CXADR: variants seen among roughly 807,000 people sequenced by gnomAD.
The protein encoded by CXADR is CXADR cell adhesion molecule.
A neutral mutation model predicts 40.3 loss-of-function variants in CXADR; 20 were observed. The observed-to-expected ratio is 0.50, with a 90% CI of 0.35 to 0.72. The LOEUF (loss-of-function observed/expected upper bound fraction) is 0.72, where lower values mean the gene tolerates loss of function less well. Ranked by LOEUF, CXADR falls within the 30% of genes least tolerant of loss-of-function variation. The probability of loss-of-function intolerance (pLI) is 0.01; values close to 1 mark genes in which losing one functional copy is unlikely to be tolerated. For synonymous variants in CXADR, 150 were observed against 161.3 expected (o/e 0.93, Z 0.53); for missense variants, 332 against 449.1 (o/e 0.74, Z 2.36).
chr21:17,622,445 A>G, the CXADR span, among the ~76,000 whole-genome samples: 3 of 152,160 alleles, frequency 2.0e-5, no homozygotes, highest in South Asian at 2.1e-4. Context: ...GTTACAGCTA[A>G]CTCTTTTTGT....
chr21:17,607,087 G>C, the CXADR span, among the ~76,000 whole-genome samples: 185 of 152,176 alleles, frequency 1.2e-3, no homozygotes, highest in African/African-American at 4.1e-3. Context: ...TTTTATAATA[G>C]TAACAACCCA....
chr21:17,560,670 A>G (rs1382412017), intron 4 of CXADR, 32 bp from the exon 5 acceptor site: 1 of 1,595,784 alleles, frequency 6.3e-7, no homozygotes, highest in Non-Finnish European at 8.6e-7. Context: ...TACTATAAAA[A>G]TGAGTTTGTT....
At chr21:17,513,293 A>G (rs1387147430) in intron 1 of CXADR, 121 bp downstream of exon 1, 6 of 984,588 alleles carry the variant, frequency 6.1e-6, no homozygotes, top group South Asian at 3.5e-5. Flanking sequence ...GCGCTGCTGC[A>G]GGGGCGGCGG....
At chr21:17,613,050 A>C in the CXADR span, 2 of 151,778 alleles carry the variant, frequency 1.3e-5, no homozygotes, top group Non-Finnish European at 2.9e-5. Context: ...GCCACCCCCG[A>C]GCCCCGGGCC....
intron 1 of CXADR, among the ~76,000 whole-genome samples, chr21:17,525,426 C>T (rs1375964271): frequency 6.6e-6 from 1 of 152,206 alleles, no homozygotes; most frequent in East Asian, 1.9e-4. Flanking sequence ...TTGAAGTCCT[C>T]TCAAGGAATC....
the CXADR span, chr21:17,613,465 C>G: frequency 6.6e-6 from 1 of 152,318 alleles, no homozygotes; most frequent in Non-Finnish European, 1.5e-5. Context: ...AGCCGCCCTG[C>G]TGTATTTTAG....
At chr21:17,577,324 C>T (rs1004584144) in intron 7 of CXADR, among the ~76,000 whole-genome samples, 1 of 152,022 alleles carries the variant, frequency 6.6e-6, no homozygotes, top group African/African-American at 2.4e-5. Context: ...TTTTTTTCTA[C>T]TTAATATTAT....
chr21:17,608,556 C>CT, the CXADR span, among the ~76,000 whole-genome samples: 136 of 145,980 alleles, frequency 9.3e-4, no homozygotes, highest in South Asian at 2.0e-3. Context: ...TTTTTCCATA[C>CT]TTTTTTTTTT....
intron 7 of CXADR, among the ~76,000 whole-genome samples, chr21:17,587,514 G>T (rs1381155860): frequency 2.0e-5 from 3 of 152,134 alleles, no homozygotes; most frequent in Non-Finnish European, 4.4e-5. Context: ...TTTTTCATGT[G>T]TCTTTTGGCT....
chr21:17,546,045 C>G (rs1300557803), intron 1 of CXADR, among the ~76,000 whole-genome samples: 2 of 152,102 alleles, frequency 1.3e-5, no homozygotes, highest in African/African-American at 4.8e-5. Context: ...TCCTGAATTG[C>G]TGGGATTACA....
At chr21:17,603,896 GAT>G in the CXADR span, among the ~76,000 whole-genome samples, 1 of 152,182 alleles carries the variant, frequency 6.6e-6, no homozygotes, top group Non-Finnish European at 1.5e-5. Flanking sequence ...ACATAAATCA[GAT>G]AACAATGTAA....
rs11427595 is a variant in CXADR, at chr21:17,534,789, C to CTTTTTTTTTTTTT, written c.44-12236_44-12224dup. ...CTGATTTGTCTAACTTATTTTCTTCCTTTTTTTTTTTTTTGAGAAGGACTC... is the reference window on the plus strand; with the variant it reads ...CTGATTTGTCTAACTTATTTTCTTCCTTTTTTTTTTTTTTTTTTTTTTTTTTTGAGAAGGACTC... On this transcript the variant is annotated intron_variant, in intron 1 of 6. Coordinates refer to ENST00000284878, the MANE Select transcript of CXADR (RefSeq NM_001338.5). Among the ~76,000 whole-genome samples, 220 of 131,884 alleles carry CTTTTTTTTTTTTT rather than the reference C, an allele frequency of 1.7e-3. 9 individuals carry two copies. The highest frequency in any genetic ancestry group is 0.01 in the East Asian group (44 of 4,212). The allele number at this position is 131,884 out of a possible 152,430, so 86.5% of individuals were successfully genotyped here. A position where few individuals can be genotyped will look rare whatever the true frequency, so the allele number is the denominator to read the frequency against.
intron 7 of CXADR, among the ~76,000 whole-genome samples, chr21:17,580,858 C>T (rs2123379735): frequency 6.6e-6 from 1 of 152,228 alleles, no homozygotes; most frequent in African/African-American, 2.4e-5. Context: ...TCAAGCAGTC[C>T]TCCCACCTCA....
chr21:17,525,449 C>A (rs578135904), intron 1 of CXADR, among the ~76,000 whole-genome samples: 1 of 152,312 alleles, frequency 6.6e-6, no homozygotes, highest in Non-Finnish European at 1.5e-5. Flanking sequence ...AAGGGACATA[C>A]AATGAACTAA....
At chr21:17,556,879 C>T (rs1365808107) in intron 3 of CXADR, among the ~76,000 whole-genome samples, 1 of 151,974 alleles carries the variant, frequency 6.6e-6, no homozygotes, top group Non-Finnish European at 1.5e-5. Flanking sequence ...TTGAAGATAC[C>T]CCACTGAATA....
chr21:17,519,173 T>C (rs1049843544), intron 1 of CXADR, among the ~76,000 whole-genome samples: 1 of 152,214 alleles, frequency 6.6e-6, no homozygotes, highest in African/African-American at 2.4e-5. Flanking sequence ...CTGTCTGTTG[T>C]GGGGTCTCCA....
At chr21:17,588,920 T>G (rs2123400883) in intron 7 of CXADR, among the ~76,000 whole-genome samples, 1 of 152,188 alleles carries the variant, frequency 6.6e-6, no homozygotes, top group African/African-American at 2.4e-5. Context: ...CAGGTCCATT[T>G]AAAAATGATA....
chr21:17,544,013 A>G (rs769726820), intron 1 of CXADR, among the ~76,000 whole-genome samples: 1 of 152,154 alleles, frequency 6.6e-6, no homozygotes, highest in Non-Finnish European at 1.5e-5. Context: ...AAAATAAAAA[A>G]TAGAACATGT....
rs1172678625 is a variant in CXADR at position 17,552,011 on chromosome 21, T to C, written c.415+58T>C. On this transcript the variant is annotated intron_variant, in intron 3 of 6. Transcript: ENST00000284878. ...TGAGTAAGAGAATGATTAGTCATAG[T>C]ACTGTAGTAGCAGCACTTGTATAAA... 39 of 1,285,454 alleles carry C rather than the reference T, an allele frequency of 3.0e-5. 1 individual carries two copies. The highest frequency in any genetic ancestry group is 3.8e-5 in the Non-Finnish European group (34 of 891,452). 79.6% of individuals were successfully genotyped at this position (1,285,454 alleles called of 1,614,324 possible). A position where few individuals can be genotyped will look rare whatever the true frequency, so the allele number is the denominator to read the frequency against.
Sources: gnomAD v4.1 joint callset for allele counts (sites outside exome capture counted in the v4.1 genomes callset) on GRCh38, gnomAD v4.1.1 for gene constraint, MANE v1.5 for transcripts, NCBI Gene and HGNC (gene_info 2026-07-23, HGNC 2026-07-21) for gene names.